The following PPP3CA variants were observed in gnomAD, a reference collection of about 807,000 sequenced individuals.
PPP3CA encodes the protein CAM-PRP catalytic subunit.
In PPP3CA, 14 loss-of-function variants were observed where a neutral mutation model predicts 66.5. That is an observed-to-expected ratio of 0.21 (90% confidence interval 0.14 to 0.33). The LOEUF (loss-of-function observed/expected upper bound fraction) is 0.33. Among genes scored for constraint, PPP3CA ranks in the 10% least tolerant of loss-of-function variants. The probability of loss-of-function intolerance (pLI) is 1.00; values close to 1 mark genes in which losing one functional copy is unlikely to be tolerated. For synonymous variants in PPP3CA, 232 were observed against 226.2 expected (o/e 1.03, Z -0.23); for missense variants, 317 against 639.5 (o/e 0.50, Z 5.44).
intron 8 of PPP3CA, among the ~76,000 whole-genome samples, chr4:101,072,294 T>C (rs1728950649): frequency 6.6e-6 from 1 of 152,186 alleles, no homozygotes; most frequent in South Asian, 2.1e-4. Flanking sequence ...TAGAGTCACC[T>C]AAACATAATG....
intron 2 of PPP3CA, among the ~76,000 whole-genome samples, chr4:101,123,275 T>C (rs1158578420): frequency 6.6e-6 from 1 of 152,100 alleles, no homozygotes; most frequent in Non-Finnish European, 1.5e-5. Flanking sequence ...ATTTGCTGAA[T>C]GAATGAAGGA....
intron 1 of PPP3CA, among the ~76,000 whole-genome samples, chr4:101,334,059 C>A (rs1729544123): frequency 6.6e-6 from 1 of 151,966 alleles, no homozygotes; most frequent in South Asian, 2.1e-4. Context: ...AGCCATTTTA[C>A]ACTCAACCAA....
At chr4:101,105,486 A>T (rs539316304) in intron 3 of PPP3CA, among the ~76,000 whole-genome samples, 30 of 152,236 alleles carry the variant, frequency 2.0e-4, no homozygotes, top group Admixed American at 6.5e-4. Flanking sequence ...AAAAAAAAAA[A>T]AGAATTCTAA....
intron 3 of PPP3CA, among the ~76,000 whole-genome samples, chr4:101,106,483 A>AG (rs1730754055): frequency 1.0e-4 from 8 of 76,940 alleles, no homozygotes; most frequent in African/African-American, 7.2e-4. Context: ...AAGAAAAGAA[A>AG]AGAAAAGAAA....
intron 1 of PPP3CA, among the ~76,000 whole-genome samples, chr4:101,339,529 C>G (rs75657094): frequency 0.015 from 2,282 of 152,276 alleles, 46 homozygotes; most frequent in African/African-American, 0.043. Flanking sequence ...ATTAATGCCT[C>G]CTTCTCATAC....
At chr4:101,167,309 G>A (rs1230105954) in intron 2 of PPP3CA, among the ~76,000 whole-genome samples, 1 of 152,046 alleles carries the variant, frequency 6.6e-6, no homozygotes, top group Non-Finnish European at 1.5e-5. Flanking sequence ...GGTGACTTTT[G>A]TGTTTGTTTT....
chr4:101,095,452 C>A (rs1730153249), intron 5 of PPP3CA, among the ~76,000 whole-genome samples: 2 of 151,978 alleles, frequency 1.3e-5, no homozygotes, highest in Admixed American at 1.3e-4. Flanking sequence ...AAGATAAAAA[C>A]TTAAAAATCA....
At chr4:101,252,239 C>T (rs1160950403) in intron 1 of PPP3CA, among the ~76,000 whole-genome samples, 1 of 151,954 alleles carries the variant, frequency 6.6e-6, no homozygotes, top group Non-Finnish European at 1.5e-5. Context: ...TCATACTGTC[C>T]CCATATTACC....
intron 1 of PPP3CA, among the ~76,000 whole-genome samples, chr4:101,310,068 G>A (rs1000776166): frequency 5.3e-5 from 8 of 152,090 alleles, no homozygotes; most frequent in African/African-American, 1.7e-4. Flanking sequence ...AAATATACCA[G>A]TTGTACTCTC....
chr4:101,049,281 T>G (rs1003962317), intron 10 of PPP3CA, among the ~76,000 whole-genome samples: 18 of 152,042 alleles, frequency 1.2e-4, no homozygotes, highest in Non-Finnish European at 2.4e-4. Context: ...TACAGTAGAT[T>G]AGGAACTTTC....
chr4:101,233,682 A>T (rs1174078832), intron 1 of PPP3CA, among the ~76,000 whole-genome samples: 1 of 151,698 alleles, frequency 6.6e-6, no homozygotes, highest in African/African-American at 2.4e-5. Flanking sequence ...AACATGATTA[A>T]ATATTTAATT....
At chr4:101,245,800 G>C (rs1242115451) in intron 1 of PPP3CA, among the ~76,000 whole-genome samples, 1 of 151,730 alleles carries the variant, frequency 6.6e-6, no homozygotes, top group Non-Finnish European at 1.5e-5. Context: ...GATTCTCACT[G>C]TGTATATTAA....
chr4:101,099,353 T>A (rs115064203), intron 4 of PPP3CA, among the ~76,000 whole-genome samples: 1,828 of 152,258 alleles, frequency 0.012, 18 homozygotes, highest in Non-Finnish European at 0.019. Flanking sequence ...CATCCCTAAA[T>A]CACTTGTTTC....
intron 1 of PPP3CA, among the ~76,000 whole-genome samples, chr4:101,201,283 G>A (rs6814679): frequency 2.6e-5 from 4 of 152,128 alleles, no homozygotes; most frequent in Non-Finnish European, 4.4e-5. Flanking sequence ...AAATTTCTTA[G>A]CCTTTCTTCT....
chr4:101,315,225 T>C (rs1229878797), intron 1 of PPP3CA, among the ~76,000 whole-genome samples: 2 of 152,136 alleles, frequency 1.3e-5, no homozygotes, highest in Admixed American at 1.3e-4. Flanking sequence ...ATGAAGGAAA[T>C]AGGCTCTCAT....
At chr4:101,285,762 A>G (rs1213938903) in intron 1 of PPP3CA, among the ~76,000 whole-genome samples, 1 of 152,106 alleles carries the variant, frequency 6.6e-6, no homozygotes, top group Non-Finnish European at 1.5e-5. Context: ...GAACTTATCA[A>G]TGCAAGCTGC....
intron 1 of PPP3CA, among the ~76,000 whole-genome samples, chr4:101,246,661 A>T (rs1249313211): frequency 1.3e-5 from 2 of 152,176 alleles, no homozygotes; most frequent in Non-Finnish European, 2.9e-5. Context: ...CTGTGAATTA[A>T]ATCAGTATAG....
intron 1 of PPP3CA, among the ~76,000 whole-genome samples, chr4:101,263,511 T>C (rs1236777559): frequency 6.6e-6 from 1 of 152,198 alleles, no homozygotes; most frequent in Non-Finnish European, 1.5e-5. Flanking sequence ...ACAAGGTGTG[T>C]TCCTTACTGT....
At chr4:101,065,430 G>T (rs1383125920) in intron 8 of PPP3CA, among the ~76,000 whole-genome samples, 1 of 152,020 alleles carries the variant, frequency 6.6e-6, no homozygotes, top group Non-Finnish European at 1.5e-5. Flanking sequence ...TAGGTTGGTG[G>T]TATAGCAGGA....
Sources: gnomAD v4.1 joint callset for allele counts (sites outside exome capture counted in the v4.1 genomes callset) on GRCh38, gnomAD v4.1.1 for gene constraint, MANE v1.5 for transcripts, NCBI Gene and HGNC (gene_info 2026-07-23, HGNC 2026-07-21) for gene names.